The following MAST4 variants were observed in gnomAD, a reference collection of about 807,000 sequenced individuals.
MAST4 encodes the protein microtubule-associated serine/threonine-protein kinase 4.
A neutral mutation model predicts 162.7 loss-of-function variants in MAST4; 89 were observed. The observed-to-expected ratio is 0.55, with a 90% CI of 0.46 to 0.65. MAST4 has a LOEUF of 0.65. Ranked by LOEUF, MAST4 falls within the 30% of genes least tolerant of loss-of-function variation. The pLI is 0.00. For missense variants in MAST4, 3,153 were observed against 3,374.0 expected (o/e 0.93, Z 1.62); for synonymous variants, 1,479 against 1,361.1 (o/e 1.09, Z -1.91).
In MAST4 at chr5:67,144,619, A is replaced by G. The variant is rs770249754; in HGVS notation, c.2731-50A>G. ...TCCCAAGACTTGGAGTGTTTTTCTG[A>G]CAAACTCTTTTTAGTAGATATTAAT... On this transcript the variant is annotated intron_variant, in intron 21 of 28. Coordinates refer to ENST00000403625, the MANE Select transcript of MAST4 (RefSeq NM_001164664.2). 17 of 1,589,610 alleles carry G rather than the reference A, an allele frequency of 1.1e-5. No homozygotes were observed. The East Asian group carries it at 3.6e-4, about 34-fold the overall frequency.
rs752562251 is a variant in MAST4 at position 67,166,393 on chromosome 5, G to A, written c.7214G>A (p.Arg2405Gln). 9.3e-6 allele frequency: 15 copies of A among 1,610,494 alleles called. No homozygotes were observed. The highest frequency in any genetic ancestry group is 4.5e-5 in the East Asian group (2 of 44,788). Residue 2405 changes from arginine (R) to glutamine (Q), a missense_variant, in exon 29 of 29, where the codon CGG (arginine) becomes CAG (glutamine). Coordinates refer to ENST00000403625, the MANE Select transcript of MAST4 (RefSeq NM_001164664.2). ...HSENRLKGAE[R>Q]PAAGVGKGFP... ...GAGAACCGGTTGAAAGGCGCGGAGC[G>A]GCCAGCCGCGGGGGTGGGGAAGGGC...
chr5:67,033,315 C>CTCTCTGTGTG (rs1554084489), intron 4 of MAST4, among the ~76,000 whole-genome samples: 18 of 125,990 alleles, frequency 1.4e-4, no homozygotes, highest in African/African-American at 5.6e-4. Flanking sequence ...TTTCATTTCT[C>CTCTCTGTGTG]TGTGTGTGTG....
intron 1 of MAST4, among the ~76,000 whole-genome samples, chr5:66,674,388 G>A (rs115600496): frequency 1.3e-3 from 200 of 152,270 alleles, no homozygotes; most frequent in African/African-American, 4.6e-3. Context: ...AAAGAAAAAA[G>A]CACAAGGATA....
chr5:67,026,359 G>C (rs1044264039), intron 4 of MAST4, among the ~76,000 whole-genome samples: 3 of 152,200 alleles, frequency 2.0e-5, no homozygotes, highest in African/African-American at 7.2e-5. Context: ...GTTTCTAATG[G>C]AGAGGAGCAT....
intron 1 of MAST4, among the ~76,000 whole-genome samples, chr5:66,691,876 A>C (rs1204447559): frequency 5.3e-5 from 8 of 152,142 alleles, no homozygotes; most frequent in Non-Finnish European, 7.3e-5. Context: ...CCATCTCTTC[A>C]TTCTCTATGG....
chr5:66,950,531 T>G (rs1748522434), intron 4 of MAST4, among the ~76,000 whole-genome samples: 1 of 152,200 alleles, frequency 6.6e-6, no homozygotes, highest in South Asian at 2.1e-4. Context: ...GTAGCTAGCA[T>G]AACAATATTT....
In MAST4 at chr5:66,668,794, T is replaced by G. The variant is rs114939799; in HGVS notation, c.363+71776T>G. On this transcript the variant is annotated intron_variant, in intron 1 of 28. Transcript: ENST00000403625. ...CCATGTTTGTGAAATATGATTTGCT[T>G]AATATTCAGAGGTAGTAGGGGGAAG... 1.0e-3 allele frequency among the ~76,000 whole-genome samples: 157 copies of G among 152,370 alleles called. 1 individual carries two copies. Among genetic ancestry groups the G allele is most frequent in the African/African-American group, 3.7e-3 (154 of 41,586 alleles).
intron 2 of MAST4, among the ~76,000 whole-genome samples, chr5:66,780,593 C>G (rs1458503685): frequency 6.6e-6 from 1 of 152,174 alleles, no homozygotes; most frequent in Non-Finnish European, 1.5e-5. Context: ...AGTGAAAGAA[C>G]AAAGCTTCCA....
chr5:67,161,178 C>T (rs2151114309), intron 27 of MAST4, among the ~76,000 whole-genome samples: 1 of 152,240 alleles, frequency 6.6e-6, no homozygotes, highest in East Asian at 1.9e-4. Context: ...CTGTTTCTTG[C>T]CAGGCAGCTC....
intron 1 of MAST4, among the ~76,000 whole-genome samples, chr5:66,733,331 CACAG>C (rs1415639195): frequency 6.8e-6 from 1 of 146,846 alleles, no homozygotes; most frequent in Non-Finnish European, 1.5e-5. Context: ...CACACACATG[CACAG>C]AGTTTTCTAA....
At chr5:67,032,257 T>C (rs1417217449) in intron 4 of MAST4, among the ~76,000 whole-genome samples, 2 of 152,168 alleles carry the variant, frequency 1.3e-5, no homozygotes, top group African/African-American at 4.8e-5. Flanking sequence ...TTCCAGGATC[T>C]TTAGGAGAAA....
intron 4 of MAST4, among the ~76,000 whole-genome samples, chr5:66,953,280 T>A (rs1172541600): frequency 6.6e-6 from 1 of 152,186 alleles, no homozygotes; most frequent in Non-Finnish European, 1.5e-5. Flanking sequence ...GAGAAAATAT[T>A]GCATTGGGGA....
At chr5:67,138,369 T>C in intron 19 of MAST4, among the ~76,000 whole-genome samples, 1 of 152,212 alleles carries the variant, frequency 6.6e-6, no homozygotes, top group East Asian at 1.9e-4. Context: ...CGTACTGCCC[T>C]AGTCCTTCAA....
At chr5:66,757,546 A>G (rs1753614076) in intron 1 of MAST4, among the ~76,000 whole-genome samples, 1 of 152,208 alleles carries the variant, frequency 6.6e-6, no homozygotes, top group Non-Finnish European at 1.5e-5. Flanking sequence ...AAAAGATTTG[A>G]GACACCTTAT....
rs563263227 is a variant in MAST4, at chr5:66,718,485, C to T, written c.364-41224C>T. On this transcript the variant is annotated intron_variant, in intron 1 of 28. Transcript: ENST00000403625. The stretch of plus-strand genomic sequence containing the variant: ...ATATGAGAGTGAGTGTGCTTGGCCC[C>T]GTGTGTGGTGGTATCTGTCTCAGGG... Among the ~76,000 whole-genome samples the T allele has an allele frequency of 2.7e-4, 41 of 152,078 alleles. No homozygotes were observed. In the Middle Eastern group the frequency reaches 0.01, roughly 38 times the overall value.
At chr5:66,802,920 A>C (rs1052697938) in intron 3 of MAST4, among the ~76,000 whole-genome samples, 1 of 152,126 alleles carries the variant, frequency 6.6e-6, no homozygotes, top group Non-Finnish European at 1.5e-5. Context: ...GGAGGCTGCT[A>C]TCATCCTTAG....
rs567762197 is a variant in MAST4, at chr5:67,156,016, G to A, written c.3648+2436G>A. Among the ~76,000 whole-genome samples the A allele has an allele frequency of 5.3e-4, 79 of 148,530 alleles. No individual in the cohort carries two copies. The Middle Eastern group carries it at 0.01, about 19-fold the overall frequency. ...GGAGGTTGCAGTGGGCCAAGATAGC[G>A]CCACTGCACTCCAGCCTGGGCGACA... is the stretch of plus-strand genomic sequence containing the variant. On this transcript the variant is annotated intron_variant, in intron 26 of 28. Transcript: ENST00000403625.
chr5:66,776,704 A>AAT (rs200681985), intron 2 of MAST4, among the ~76,000 whole-genome samples: 1,769 of 152,316 alleles, frequency 0.012, 15 homozygotes, highest in South Asian at 0.051. Context: ...CACAGACTTA[A>AAT]ATCTGGTTCT....
intron 7 of MAST4, among the ~76,000 whole-genome samples, chr5:67,099,583 A>G (rs1295855015): frequency 6.6e-6 from 1 of 152,120 alleles, no homozygotes; most frequent in African/African-American, 2.4e-5. Context: ...GTTTCCATTT[A>G]CTAAAAAATT....
Sources: gnomAD v4.1 joint callset for allele counts (sites outside exome capture counted in the v4.1 genomes callset) on GRCh38, gnomAD v4.1.1 for gene constraint, MANE v1.5 for transcripts, NCBI Gene and HGNC (gene_info 2026-07-23, HGNC 2026-07-21) for gene names.